Variants in M1AP observed in about 807,000 individuals in gnomAD.
M1AP encodes the protein meiosis 1 arrest protein.
A neutral mutation model predicts 51.2 loss-of-function variants in M1AP; 39 were observed. That is an observed-to-expected ratio of 0.76 (90% CI 0.59 to 1.00). The LOEUF is 1.00. Among genes scored for constraint, M1AP ranks in the 50% least tolerant of loss-of-function variants. The probability of loss-of-function intolerance (pLI) is 0.00; values close to 1 mark genes in which losing one functional copy is unlikely to be tolerated. For missense variants in M1AP, 545 were observed against 641.2 expected, an observed-to-expected ratio of 0.85 and a Z score of 1.62; for synonymous variants, 251 against 249.2, an observed-to-expected ratio of 1.01 and a Z score of -0.07.
chr2:74,636,239 C>T (rs79654989), intron 2 of M1AP, among the ~76,000 whole-genome samples: 2,380 of 151,818 alleles, frequency 0.016, 76 homozygotes, highest in African/African-American at 0.055. Flanking sequence ...TTCTTTGATC[C>T]GAAATCTGTT....
intron 2 of M1AP, among the ~76,000 whole-genome samples, chr2:74,633,194 A>G (rs957613633): frequency 5.3e-5 from 8 of 152,146 alleles, no homozygotes; most frequent in African/African-American, 1.9e-4. Context: ...TTTCCTCCTC[A>G]CCAGATTGCC....
chr2:74,590,597 A>T (rs1305019391), intron 4 of M1AP, among the ~76,000 whole-genome samples: 1 of 152,068 alleles, frequency 6.6e-6, no homozygotes, highest in Non-Finnish European at 1.5e-5. Flanking sequence ...TGGCTGGGAG[A>T]GTAGCCTTTT....
chr2:74,647,224 C>T, intron 1 of M1AP: 8 of 985,374 alleles, frequency 8.1e-6, no homozygotes, highest in Non-Finnish European at 8.4e-6. Flanking sequence ...TTCTGCCCAA[C>T]TCTCCATCCT....
chr2:74,562,205 G>T lies in M1AP; in HGVS notation c.1281+12C>A. 1 of 1,600,012 alleles carries T rather than the reference G, an allele frequency of 6.2e-7. No homozygotes were observed. The highest frequency in any genetic ancestry group is 1.1e-5 in the South Asian group (1 of 89,308). Reference sequence around the variant, plus strand: ...TTCTAGATCTGTCCCATGAGATCTGGGCTCCACTTGCCTCCACATTCTTAA... The same window carrying T: ...TTCTAGATCTGTCCCATGAGATCTGTGCTCCACTTGCCTCCACATTCTTAA... On this transcript the variant is annotated intron_variant, in intron 8 of 10. Coordinates refer to ENST00000421985, the MANE Select transcript of M1AP (RefSeq NM_001321739.2).
intron 2 of M1AP, among the ~76,000 whole-genome samples, chr2:74,626,138 C>T (rs1188505612): frequency 6.6e-6 from 1 of 152,162 alleles, no homozygotes; most frequent in Non-Finnish European, 1.5e-5. Flanking sequence ...GGAAGGGAGT[C>T]CCCCTTTCAA....
intron 7 of M1AP, among the ~76,000 whole-genome samples, chr2:74,572,884 C>A (rs1424252446): frequency 1.3e-5 from 2 of 152,180 alleles, no homozygotes; most frequent in Non-Finnish European, 2.9e-5. Context: ...AAGGTCTCTT[C>A]ATCTCTACAA....
At chr2:74,559,601 C>CT in intron 10 of M1AP, 97 bp downstream of exon 10, 1 of 705,366 alleles carries the variant, frequency 1.4e-6, no homozygotes, top group Non-Finnish European at 2.6e-6. Context: ...CCTCTTCAAC[C>CT]CCAACTGTCT....
chr2:74,613,701 T>C (rs1681500557), intron 3 of M1AP, among the ~76,000 whole-genome samples: 1 of 152,218 alleles, frequency 6.6e-6, no homozygotes, highest in Non-Finnish European at 1.5e-5. Context: ...AGTTTCATTA[T>C]ACCTGTTAAT....
chr2:74,590,107 T>C (rs1221412828), intron 4 of M1AP, among the ~76,000 whole-genome samples: 1 of 152,228 alleles, frequency 6.6e-6, no homozygotes, highest in Non-Finnish European at 1.5e-5. Context: ...AATAGTGGGT[T>C]CTATTTGGGC....
intron 2 of M1AP, among the ~76,000 whole-genome samples, chr2:74,622,777 T>C (rs1165327004): frequency 2.0e-5 from 3 of 151,750 alleles, no homozygotes; most frequent in South Asian, 2.1e-4. Context: ...TATAAAACAA[T>C]AGCAGTAATG....
chr2:74,617,443 C>T (rs868167688), intron 2 of M1AP, among the ~76,000 whole-genome samples: 1 of 152,170 alleles, frequency 6.6e-6, no homozygotes, highest in Non-Finnish European at 1.5e-5. Context: ...CCAAATACTG[C>T]ATGTTCTGAC....
At chr2:74,583,386 T>G (rs550836007) in intron 4 of M1AP, among the ~76,000 whole-genome samples, 3 of 152,238 alleles carry the variant, frequency 2.0e-5, no homozygotes, top group African/African-American at 7.2e-5. Flanking sequence ...AGAGTGTGAT[T>G]TAATTCCAAA....
At chr2:74,587,615 G>C (rs1304233379) in intron 4 of M1AP, among the ~76,000 whole-genome samples, 3 of 152,152 alleles carry the variant, frequency 2.0e-5, no homozygotes, top group Non-Finnish European at 2.9e-5. Context: ...ACGACTAAAT[G>C]TGCTAAATCT....
At chr2:74,597,104 G>A (rs1165290168) in intron 4 of M1AP, among the ~76,000 whole-genome samples, 1 of 152,148 alleles carries the variant, frequency 6.6e-6, no homozygotes, top group Non-Finnish European at 1.5e-5. Flanking sequence ...CTTATGGTAT[G>A]TAAATTATTC....
chr2:74,610,849 C>G lies in M1AP; in HGVS notation c.427-3626G>C, dbSNP rs143066172. On this transcript the variant is annotated intron_variant, in intron 3 of 10. Transcript: ENST00000421985. ...GGTCTTCATTGTGTTGAGGTATGCT[C>G]TTTCTGAACCTATTTTGTTAAGAGT... Among the ~76,000 whole-genome samples the G allele has an allele frequency of 1.7e-3, 258 of 152,280 alleles. 2 individuals carry two copies. Among genetic ancestry groups the G allele is most frequent in the African/African-American group, 5.9e-3 (244 of 41,550 alleles).
Position 74,607,240 on chromosome 2 carries a change from G to A in M1AP, c.427-17C>T, listed in dbSNP as rs763585839. ...AATAGTAATCTGAAAATAAATCCAAGAATCAATGTGTCTATTCTCCCTGAT... is the reference window on the plus strand; with the variant it reads ...AATAGTAATCTGAAAATAAATCCAAAAATCAATGTGTCTATTCTCCCTGAT... On this transcript the variant is annotated splice_polypyrimidine_tract_variant and intron_variant, in intron 3 of 10. Transcript: ENST00000421985. The A allele has an allele frequency of 2.3e-5, 37 of 1,612,402 alleles. No homozygotes were observed. The highest frequency in any genetic ancestry group is 2.9e-5 in the Non-Finnish European group (34 of 1,178,750).
intron 2 of M1AP, chr2:74,619,003 G>A: frequency 1.9e-6 from 1 of 525,524 alleles, no homozygotes; most frequent in South Asian, 1.4e-5. Context: ...CTGCCTTCAT[G>A]CATATTTTCA....
intron 2 of M1AP, among the ~76,000 whole-genome samples, chr2:74,638,970 A>C (rs535198888): frequency 1.3e-5 from 2 of 152,334 alleles, no homozygotes; most frequent in African/African-American, 4.8e-5. Context: ...TCCTTTTCCC[A>C]TCCCCAACCC....
intron 7 of M1AP, among the ~76,000 whole-genome samples, chr2:74,568,176 C>T (rs191335632): frequency 2.0e-5 from 3 of 152,294 alleles, no homozygotes; most frequent in South Asian, 2.1e-4. Flanking sequence ...ATGGTGAAGC[C>T]GGCCAACTGG....
Sources: allele counts gnomAD v4.1 joint callset (sites outside exome capture counted in the v4.1 genomes callset), GRCh38; gene constraint gnomAD v4.1.1; transcripts MANE v1.5; gene names NCBI Gene and HGNC (gene_info 2026-07-23, HGNC 2026-07-21).